Variants in PARP16 observed in about 807,000 individuals in gnomAD.
The protein encoded by PARP16 is protein mono-ADP-ribosyltransferase PARP16.
In PARP16, 31 loss-of-function variants were observed where a neutral mutation model predicts 35.0. That is an observed-to-expected ratio of 0.88 (90% CI 0.66 to 1.19). PARP16 has a LOEUF of 1.19. Ranked by LOEUF, PARP16 falls within the 50% of genes most tolerant of loss-of-function variation. The pLI, the probability that PARP16 is intolerant of heterozygous loss-of-function variation, is 0.00. For synonymous variants in PARP16, 162 were observed against 169.5 expected, an observed-to-expected ratio of 0.96 and a Z score of 0.34; for missense variants, 424 against 411.2, an observed-to-expected ratio of 1.03 and a Z score of -0.27.
intron 2 of PARP16, among the ~76,000 whole-genome samples, chr15:65,268,880 G>C (rs148898682): frequency 1.9e-4 from 29 of 151,352 alleles, no homozygotes; most frequent in African/African-American, 7.0e-4. Context: ...TCAGCCTCCC[G>C]AGCAGCTGGG....
At chr15:65,270,894 T>C (rs775555093) in intron 2 of PARP16, 41 bp downstream of exon 2, 3 of 1,605,998 alleles carry the variant, frequency 1.9e-6, no homozygotes, top group Non-Finnish European at 8.5e-7. Flanking sequence ...CTAGAGCCCT[T>C]AGGCCCCTAA....
At position 65,259,160 on chromosome 15, in the gene PARP16, T is replaced by G; in HGVS notation, c.*247A>C. ...TGAAAAGCCAACTCCCTAGGACAGT[T>G]TAAGAAGGAGCAGATGGAAGGACTC... is the stretch of plus-strand genomic sequence containing the variant. On this transcript the variant is annotated 3_prime_UTR_variant, in exon 6 of 6. Coordinates refer to ENST00000649807, the MANE Select transcript of PARP16 (RefSeq NM_001316943.2). The G allele has an allele frequency of 2.1e-6, 1 of 477,652 alleles. No homozygotes were observed. Among genetic ancestry groups the G allele is most frequent in the South Asian group, 3.2e-5 (1 of 30,980 alleles). 29.6% of individuals were successfully genotyped at this position (477,652 alleles called of 1,614,324 possible).
At chr15:65,253,401 G>A (rs2089412754), downstream of PARP16, among the ~76,000 whole-genome samples, 1 of 150,800 alleles carries the variant, frequency 6.6e-6, no homozygotes, top group South Asian at 2.1e-4. Flanking sequence ...CGGGATCTCG[G>A]CTCACTGCAA....
At chr15:65,254,912 A>G (rs2089458850), downstream of PARP16, among the ~76,000 whole-genome samples, 1 of 152,100 alleles carries the variant, frequency 6.6e-6, no homozygotes, top group South Asian at 2.1e-4. Context: ...TTACTCCCAT[A>G]GAGTAAAACT....
downstream of PARP16, among the ~76,000 whole-genome samples, chr15:65,232,325 A>C (rs1364264119): frequency 6.6e-6 from 1 of 152,142 alleles, no homozygotes; most frequent in Non-Finnish European, 1.5e-5. Context: ...TGTGTATTGG[A>C]GTTTGCTCCT....
intron 1 of PARP16, among the ~76,000 whole-genome samples, chr15:65,284,028 G>A (rs927995710): frequency 2.6e-5 from 4 of 152,278 alleles, no homozygotes; most frequent in African/African-American, 9.6e-5. Context: ...GGACCAGGTT[G>A]GGCCAAGAGG....
At position 65,258,856 on chromosome 15, in the gene PARP16, G is replaced by C. The variant is rs1160148672; in HGVS notation, c.*551C>G. 1 of 152,674 alleles carries C rather than the reference G, an allele frequency of 6.5e-6. No individual in the cohort carries two copies. The highest frequency in any genetic ancestry group is 1.5e-5 in the Non-Finnish European group (1 of 68,076). 9.5% of individuals were successfully genotyped at this position (152,674 alleles called of 1,614,324 possible). A position where few individuals can be genotyped will look rare whatever the true frequency, so the allele number is the denominator to read the frequency against. On this transcript the variant is annotated 3_prime_UTR_variant, in exon 6 of 6. Transcript: ENST00000649807. ...CAGCTATAGGAGAAGGCTGTTTGTT[G>C]ATTTGAGAAAACTGTTAAAATGTTT...
chr15:65,270,204 C>A (rs1273372210), intron 2 of PARP16, among the ~76,000 whole-genome samples: 3 of 152,180 alleles, frequency 2.0e-5, no homozygotes, highest in African/African-American at 7.2e-5. Flanking sequence ...AAGTCCTACA[C>A]CCTGGTCCTT....
intron 3 of PARP16, among the ~76,000 whole-genome samples, chr15:65,247,577 C>A (rs141326161): frequency 3.3e-4 from 50 of 152,222 alleles, no homozygotes; most frequent in African/African-American, 1.1e-3. Context: ...GAGGCCAGAT[C>A]ACAGTGAGTC....
chr15:65,276,068 C>T (rs2090244603), intron 1 of PARP16, among the ~76,000 whole-genome samples: 1 of 152,162 alleles, frequency 6.6e-6, no homozygotes, highest in Admixed American at 6.5e-5. Context: ...TCTTCCCGGC[C>T]CTCCTACTGC....
chr15:65,256,441 T>A (rs886465637), downstream of PARP16, among the ~76,000 whole-genome samples: 3 of 138,210 alleles, frequency 2.2e-5, no homozygotes, highest in Non-Finnish European at 4.6e-5. Flanking sequence ...GGAGTCTCGC[T>A]CTGTCACCCA....
At chr15:65,281,442 C>A (rs1230183097) in intron 1 of PARP16, among the ~76,000 whole-genome samples, 1 of 152,128 alleles carries the variant, frequency 6.6e-6, no homozygotes, top group Non-Finnish European at 1.5e-5. Flanking sequence ...GTAATCCCAG[C>A]AGTTTGGGAG....
intron 1 of PARP16, among the ~76,000 whole-genome samples, chr15:65,277,027 T>C (rs1288236468): frequency 2.0e-5 from 3 of 152,018 alleles, no homozygotes; most frequent in Non-Finnish European, 4.4e-5. Flanking sequence ...AATTCAAATT[T>C]AACTAGGTGG....
intron 2 of PARP16, 74 bp downstream of exon 2, chr15:65,270,861 G>T: frequency 6.9e-7 from 1 of 1,456,498 alleles, no homozygotes; most frequent in East Asian, 2.3e-5. Flanking sequence ...GGAAGTCTCA[G>T]AGCCACTGGA....
chr15:65,277,938 C>A (rs1006488530), intron 1 of PARP16, among the ~76,000 whole-genome samples: 1 of 152,162 alleles, frequency 6.6e-6, no homozygotes, highest in Non-Finnish European at 1.5e-5. Context: ...GGCAAGCATT[C>A]TGAATCACAC....
intron 4 of PARP16, among the ~76,000 whole-genome samples, chr15:65,261,667 G>A (rs1257450750): frequency 3.3e-5 from 5 of 151,818 alleles, no homozygotes; most frequent in African/African-American, 1.2e-4. Flanking sequence ...TGTTGGCCAG[G>A]CTGATCTCAA....
In PARP16 at chr15:65,259,109, G is replaced by A; in HGVS notation, c.*298C>T. On this transcript the variant is annotated 3_prime_UTR_variant, in exon 6 of 6. Transcript: ENST00000649807. Reference sequence around the variant, plus strand: ...CTTGGACACTTTGTTTTTAAATGCAGCAGGGCTTTTTCCTTTGGCCCTGGC... The same window carrying A: ...CTTGGACACTTTGTTTTTAAATGCAACAGGGCTTTTTCCTTTGGCCCTGGC... The A allele has an allele frequency of 7.6e-6, 2 of 262,974 alleles. No homozygotes were observed. Among genetic ancestry groups the A allele is most frequent in the Non-Finnish European group, 1.5e-5 (2 of 137,180 alleles). 16.3% of individuals were successfully genotyped at this position (262,974 alleles called of 1,614,324 possible).
chr15:65,273,346 T>C (rs913066026), intron 1 of PARP16, among the ~76,000 whole-genome samples: 2 of 150,912 alleles, frequency 1.3e-5, no homozygotes, highest in Non-Finnish European at 3.0e-5. Context: ...ATTACTGACT[T>C]TGGGAGTTTT....
At chr15:65,231,561 T>C (rs1203212847), downstream of PARP16, among the ~76,000 whole-genome samples, 2 of 151,966 alleles carry the variant, frequency 1.3e-5, no homozygotes, top group Non-Finnish European at 2.9e-5. Flanking sequence ...GAGATTCTTG[T>C]GCCTCGCCCT....
Sources: gnomAD v4.1 joint callset for allele counts (sites outside exome capture counted in the v4.1 genomes callset) on GRCh38, gnomAD v4.1.1 for gene constraint, MANE v1.5 for transcripts, NCBI Gene and HGNC (gene_info 2026-07-23, HGNC 2026-07-21) for gene names.